Variants in CAMTA1 observed in about 807,000 individuals in gnomAD.
The protein encoded by CAMTA1 is calmodulin-binding transcription activator 1.
In CAMTA1, 27 loss-of-function variants were observed where a neutral mutation model predicts 170.9. The observed-to-expected ratio is 0.16, with a 90% CI of 0.12 to 0.22. The LOEUF (loss-of-function observed/expected upper bound fraction) is 0.22. Among genes scored for constraint, CAMTA1 ranks in the 10% least tolerant of loss-of-function variants. The pLI, the probability that CAMTA1 is intolerant of heterozygous loss-of-function variation, is 1.00. For synonymous variants in CAMTA1, 833 were observed against 891.5 expected (o/e 0.93, Z 1.17); for missense variants, 1,619 against 2,217.2 (o/e 0.73, Z 5.42).
chr1:6,971,912 G>C lies in CAMTA1; in HGVS notation c.235-119392G>C, dbSNP rs1305456980. 1.3e-5 allele frequency among the ~76,000 whole-genome samples: 2 copies of C among 152,242 alleles called. No individual in the cohort carries two copies. Among genetic ancestry groups the C allele is most frequent in the Non-Finnish European group, 2.9e-5 (2 of 68,044 alleles). On this transcript the variant is annotated intron_variant, in intron 3 of 22. Coordinates refer to ENST00000303635, the MANE Select transcript of CAMTA1 (RefSeq NM_015215.4). The surrounding 1 kb of genome is among the most constrained non-coding windows in gnomAD (Gnocchi z 4.6). ...AAAGCCAGAGCTGGCCTGGAGAGAG[G>C]AGAGGAGAGCATCGCGGGCAGGTGC...
chr1:7,480,259 GTA>G (rs1491121871), intron 6 of CAMTA1, among the ~76,000 whole-genome samples: 1 of 135,464 alleles, frequency 7.4e-6, no homozygotes, highest in Middle Eastern at 3.6e-3. Flanking sequence ...GTGCATGTGT[GTA>G]TGTGTGTGAG....
intron 5 of CAMTA1, among the ~76,000 whole-genome samples, chr1:7,310,840 C>T (rs916770298): frequency 8.6e-5 from 13 of 151,650 alleles, no homozygotes; most frequent in South Asian, 2.1e-4. Context: ...AAGCAATTCT[C>T]GTGCCTCAGC....
intron 3 of CAMTA1, among the ~76,000 whole-genome samples, chr1:6,841,029 G>C (rs191965408): frequency 6.6e-6 from 1 of 152,330 alleles, no homozygotes; most frequent in East Asian, 1.9e-4. Context: ...GGAGGCCCTA[G>C]AGAGGAATCT....
intron 4 of CAMTA1, among the ~76,000 whole-genome samples, chr1:7,193,645 G>T (rs1654968099): frequency 6.6e-6 from 1 of 152,258 alleles, no homozygotes; most frequent in African/African-American, 2.4e-5. Context: ...GTGCCCACCT[G>T]CAGAAGGGGG....
At chr1:7,369,695 A>C (rs115596700) in intron 5 of CAMTA1, among the ~76,000 whole-genome samples, 2,144 of 152,098 alleles carry the variant, frequency 0.014, 52 homozygotes, top group African/African-American at 0.048. Flanking sequence ...GGGCTCACAC[A>C]TAGACCTGGT....
chr1:7,280,168 C>T (rs116742716), intron 5 of CAMTA1, among the ~76,000 whole-genome samples: 248 of 152,380 alleles, frequency 1.6e-3, no homozygotes, highest in African/African-American at 5.1e-3. Context: ...TGTCTGTGCC[C>T]TTTGCCCACC....
At chr1:7,548,328 G>A (rs2094728467) in intron 6 of CAMTA1, among the ~76,000 whole-genome samples, 1 of 152,156 alleles carries the variant, frequency 6.6e-6, no homozygotes, top group Admixed American at 6.5e-5. Context: ...GGTCTGGCAA[G>A]CCTCCTTAAG....
chr1:7,076,612 A>T (rs7535157), intron 3 of CAMTA1, among the ~76,000 whole-genome samples: 129,742 of 152,128 alleles, frequency 0.85, 55,428 homozygotes, highest in South Asian at 0.89. Flanking sequence ...ACATCCACCA[A>T]TTTTAGTTTG....
intron 4 of CAMTA1, among the ~76,000 whole-genome samples, chr1:7,205,032 T>C (rs148993998): frequency 0.04 from 6,025 of 151,722 alleles, 309 homozygotes; most frequent in African/African-American, 0.12. Context: ...GGTTTCACCA[T>C]GTTAGCCAGG....
rs190650180 is a variant in CAMTA1 at position 7,086,176 on chromosome 1, C to A, written c.235-5128C>A. ...AAACATTTAAAATCTGCAAGCTGGA[C>A]AGTCTTTGCTTTGGAGCCTGCAGCA... On this transcript the variant is annotated intron_variant, in intron 3 of 22. Coordinates refer to ENST00000303635, the MANE Select transcript of CAMTA1 (RefSeq NM_015215.4). Among the ~76,000 whole-genome samples the A allele has an allele frequency of 2.8e-3, 420 of 152,236 alleles. 3 individuals are homozygous for A. Among genetic ancestry groups the A allele is most frequent in the Middle Eastern group, 6.8e-3 (2 of 294 alleles).
rs1486372840 is a variant in CAMTA1 at position 6,921,620 on chromosome 1, CGAAA to C, written c.234+96417_234+96420del. 9.2e-5 allele frequency among the ~76,000 whole-genome samples: 14 copies of C among 152,182 alleles called. No homozygotes were observed. The South Asian group carries it at 1.7e-3, about 18-fold the overall frequency. ...GACATACCCAAGACTGGGCAATTTACGAAAGAAAGAGGTTTAATTGGACTCACAG... is the reference window on the plus strand; with the variant it reads ...GACATACCCAAGACTGGGCAATTTACGAAAGAGGTTTAATTGGACTCACAG... On this transcript the variant is annotated intron_variant, in intron 3 of 22. Transcript: ENST00000303635.
At chr1:6,822,974 T>C (rs1218007063) in intron 2 of CAMTA1, among the ~76,000 whole-genome samples, 2 of 152,158 alleles carry the variant, frequency 1.3e-5, no homozygotes, top group Non-Finnish European at 2.9e-5. Context: ...AGAATTGTAC[T>C]TCAAACTGAT....
chr1:7,343,330 T>G (rs1267620755), intron 5 of CAMTA1, among the ~76,000 whole-genome samples: 1 of 152,152 alleles, frequency 6.6e-6, no homozygotes, highest in African/African-American at 2.4e-5. Context: ...CACGGGTGAT[T>G]GATGACAACA....
At chr1:6,899,053 C>T (rs568902635) in intron 3 of CAMTA1, among the ~76,000 whole-genome samples, 4 of 152,216 alleles carry the variant, frequency 2.6e-5, no homozygotes, top group South Asian at 4.2e-4. Flanking sequence ...TCATCGGTAC[C>T]GTGGATGCTT....
chr1:7,648,509 G>A (rs1312220601), intron 7 of CAMTA1, among the ~76,000 whole-genome samples: 1 of 152,180 alleles, frequency 6.6e-6, no homozygotes, highest in African/African-American at 2.4e-5. Flanking sequence ...GAGAGAGAGG[G>A]GGTGTTGTTA....
At chr1:7,257,076 C>CGGGGGGG (rs146110106) in intron 5 of CAMTA1, among the ~76,000 whole-genome samples, 11 of 135,110 alleles carry the variant, frequency 8.1e-5, no homozygotes, top group Non-Finnish European at 1.3e-4. Context: ...CATCGCATGG[C>CGGGGGGG]GGGGGCGGGG....
intron 4 of CAMTA1, among the ~76,000 whole-genome samples, chr1:7,211,664 A>G (rs1396581181): frequency 6.6e-6 from 1 of 151,848 alleles, no homozygotes; most frequent in Non-Finnish European, 1.5e-5. Context: ...CCTCTCACCA[A>G]CCCTGGGATT....
chr1:7,276,278 CATATATATAT>C (rs1210333666), intron 5 of CAMTA1, among the ~76,000 whole-genome samples: 11 of 58,550 alleles, frequency 1.9e-4, no homozygotes, highest in Non-Finnish European at 2.1e-4. Flanking sequence ...TACACCTGAT[CATATATATAT>C]ATATATATAT....
At chr1:6,831,109 C>T (rs1015229970) in intron 3 of CAMTA1, among the ~76,000 whole-genome samples, 8 of 152,238 alleles carry the variant, frequency 5.3e-5, no homozygotes, top group South Asian at 4.1e-4. Context: ...TGAGCCATCG[C>T]GCCCGGCCCG....
Sources: gnomAD v4.1 joint callset for allele counts (sites outside exome capture counted in the v4.1 genomes callset) on GRCh38, gnomAD v4.1.1 for gene constraint, Gnocchi (gnomAD v3.1) non-coding constraint, MANE v1.5 for transcripts, NCBI Gene and HGNC (gene_info 2026-07-23, HGNC 2026-07-21) for gene names.